RORA: variants seen among roughly 807,000 people sequenced by gnomAD.
The protein encoded by RORA is nuclear receptor ROR-alpha.
A neutral mutation model predicts 69.5 loss-of-function variants in RORA; 7 were observed. That is an observed-to-expected ratio of 0.10 (90% CI 0.06 to 0.19). RORA has a LOEUF of 0.19. Among genes scored for constraint, RORA ranks in the 10% least tolerant of loss-of-function variants. RORA has a pLI of 1.00. For synonymous variants in RORA, 261 were observed against 240.8 expected (o/e 1.08, Z -0.78); for missense variants, 457 against 663.0 (o/e 0.69, Z 3.41).
intron 1 of RORA, among the ~76,000 whole-genome samples, chr15:60,984,723 G>A (rs1894145699): frequency 6.6e-6 from 1 of 151,566 alleles, no homozygotes. Context: ...CTTTGACAAT[G>A]GGGCACATAC....
intron 1 of RORA, among the ~76,000 whole-genome samples, chr15:60,983,789 A>G (rs1447497044): frequency 1.3e-5 from 2 of 152,280 alleles, no homozygotes; most frequent in East Asian, 3.9e-4. Flanking sequence ...GCACTGATTG[A>G]TGTCTTATGT....
intron 1 of RORA, among the ~76,000 whole-genome samples, chr15:61,022,533 T>C (rs1206850071): frequency 6.6e-6 from 1 of 152,140 alleles, no homozygotes; most frequent in Non-Finnish European, 1.5e-5. Flanking sequence ...TTTTCAATGG[T>C]GCACACACAG....
intron 1 of RORA, among the ~76,000 whole-genome samples, chr15:60,717,247 T>C (rs2071232362): frequency 6.6e-6 from 1 of 152,188 alleles, no homozygotes; most frequent in African/African-American, 2.4e-5. Context: ...TGTGGTGGTA[T>C]GTATGCAGAG....
chr15:60,957,595 C>T (rs149193398), intron 1 of RORA, among the ~76,000 whole-genome samples: 1 of 152,236 alleles, frequency 6.6e-6, no homozygotes, highest in East Asian at 1.9e-4. Flanking sequence ...TTGCTCAGTC[C>T]CTGAGGGGGC....
At chr15:60,929,368 C>A (rs1458570846) in intron 1 of RORA, among the ~76,000 whole-genome samples, 1 of 152,188 alleles carries the variant, frequency 6.6e-6, no homozygotes, top group African/African-American at 2.4e-5. Context: ...TGGTATTCAT[C>A]ACTGGCTGGT....
intron 2 of RORA, chr15:60,545,149 A>C (rs2067029072): frequency 6.6e-6 from 1 of 152,222 alleles, no homozygotes; most frequent in Non-Finnish European, 1.5e-5. Context: ...AATTCCAAGA[A>C]ATTGAGTTAA....
intron 1 of RORA, among the ~76,000 whole-genome samples, chr15:61,171,416 G>T (rs551455838): frequency 8.5e-5 from 13 of 152,294 alleles, no homozygotes; most frequent in African/African-American, 3.1e-4. Context: ...CCAGAGTTCA[G>T]TAGGTCTGTA....
rs34480684 is a variant in RORA at position 60,798,221 on chromosome 15, GACACAC to G, written c.167-119541_167-119536del. On this transcript the variant is annotated intron_variant, in intron 1 of 10. Transcript: ENST00000335670. ...CCCCTTCCCCTTCATTTCCCCAACA[GACACAC>G]ACACACACACACACACACACACACA... Among the ~76,000 whole-genome samples the G allele has an allele frequency of 2.1e-3, 302 of 145,802 alleles. 3 individuals carry two copies. Among genetic ancestry groups the G allele is most frequent in the African/African-American group, 6.6e-3 (258 of 39,056 alleles).
At chr15:60,782,859 A>C (rs1349521574) in intron 1 of RORA, among the ~76,000 whole-genome samples, 12 of 152,208 alleles carry the variant, frequency 7.9e-5, no homozygotes, top group Admixed American at 7.9e-4. Context: ...AAACTGATAG[A>C]CTCAAATGCT....
intron 1 of RORA, among the ~76,000 whole-genome samples, chr15:61,023,081 G>A (rs57058589): frequency 2.6e-5 from 4 of 150,968 alleles, no homozygotes; most frequent in South Asian, 4.2e-4. Context: ...CCAGCTACTC[G>A]GGAGGCTGAG....
chr15:60,859,650 TC>T (rs1459427005), intron 1 of RORA, among the ~76,000 whole-genome samples: 68 of 85,294 alleles, frequency 8.0e-4, no homozygotes, highest in South Asian at 4.1e-3. Context: ...TTTCTTTCTT[TC>T]TTTCTTTTTT....
chr15:60,657,838 C>G lies in RORA; in HGVS notation c.196+20819G>C, dbSNP rs985519485. The stretch of plus-strand genomic sequence containing the variant: ...TCCCTTTATCTCCTCCTGAGATGCT[C>G]TCTCGGTTCCTCCTTCACTGCTCTT... On this transcript the variant is annotated intron_variant, in intron 2 of 10. Transcript: ENST00000335670. 2.6e-5 allele frequency among the ~76,000 whole-genome samples: 4 copies of G among 152,210 alleles called. No homozygotes were observed. The East Asian group carries it at 7.7e-4, about 29-fold the overall frequency.
rs182669497 is a variant in RORA, at chr15:60,571,061, G to C, written c.197-39210C>G. Among the ~76,000 whole-genome samples the C allele has an allele frequency of 9.4e-4, 143 of 152,178 alleles. 1 individual carries two copies. Among genetic ancestry groups the C allele is most frequent in the African/African-American group, 2.8e-3 (116 of 41,516 alleles). On this transcript the variant is annotated intron_variant, in intron 2 of 10. Coordinates refer to ENST00000335670, the MANE Select transcript of RORA (RefSeq NM_134261.3). ...TTTTCTCTCCTCATTTTGCCTGCTAGTGGCTTGTCAACAGTAGTTTCTATA... is the reference window on the plus strand; with the variant it reads ...TTTTCTCTCCTCATTTTGCCTGCTACTGGCTTGTCAACAGTAGTTTCTATA...
rs2079554289 is a variant in RORA at position 61,168,161 on chromosome 15, C to CAT, written c.166+60890_166+60891dup. 3.3e-5 allele frequency among the ~76,000 whole-genome samples: 5 copies of CAT among 150,400 alleles called. No individual in the cohort carries two copies. The South Asian group carries it at 8.4e-4, about 25-fold the overall frequency. On this transcript the variant is annotated intron_variant, in intron 1 of 10. Coordinates refer to ENST00000335670, the MANE Select transcript of RORA (RefSeq NM_134261.3). ...ATATACACATATATACATACATATA[C>CAT]ATATATATGTAAATCATTACATATA... is the stretch of plus-strand genomic sequence containing the variant.
At chr15:61,164,854 T>C (rs563620679) in intron 1 of RORA, among the ~76,000 whole-genome samples, 1 of 152,292 alleles carries the variant, frequency 6.6e-6, no homozygotes, top group Non-Finnish European at 1.5e-5. Flanking sequence ...TCCAGGTAAT[T>C]AGAGAGCACT....
intron 1 of RORA, among the ~76,000 whole-genome samples, chr15:60,945,438 C>T (rs1290227900): frequency 2.0e-5 from 3 of 152,062 alleles, no homozygotes; most frequent in African/African-American, 7.2e-5. Flanking sequence ...TCAGGGGAAA[C>T]GTTGTTATAT....
intron 1 of RORA, among the ~76,000 whole-genome samples, chr15:60,691,271 G>C (rs1291172053): frequency 2.0e-5 from 3 of 152,172 alleles, no homozygotes; most frequent in East Asian, 3.9e-4. Context: ...TCTCCATTTT[G>C]CTTTACTTTG....
chr15:60,715,244 C>A (rs2071204399), intron 1 of RORA, among the ~76,000 whole-genome samples: 1 of 152,190 alleles, frequency 6.6e-6, no homozygotes, highest in African/African-American at 2.4e-5. Flanking sequence ...ATCCAACATA[C>A]AAGGACATAG....
At chr15:61,176,331 T>C (rs2079629085) in intron 1 of RORA, 1 of 152,232 alleles carries the variant, frequency 6.6e-6, no homozygotes, top group African/African-American at 2.4e-5. Context: ...CTAACTCATT[T>C]AGTCTCCTGT....
Sources: allele counts gnomAD v4.1 joint callset (sites outside exome capture counted in the v4.1 genomes callset), GRCh38; gene constraint gnomAD v4.1.1; transcripts MANE v1.5; gene names NCBI Gene and HGNC (gene_info 2026-07-23, HGNC 2026-07-21).